Variants in BRWD1 observed in about 807,000 individuals in gnomAD.
BRWD1 encodes bromodomain and WD repeat domain containing 1, also known as bromodomain and WD repeat-containing protein 1.
Under a neutral mutation model 251.2 loss-of-function variants are expected in BRWD1, and 82 were observed. The observed-to-expected ratio is 0.33, with a 90% CI of 0.27 to 0.39. The LOEUF (loss-of-function observed/expected upper bound fraction) is 0.39, where lower values mean the gene tolerates loss of function less well. Ranked by LOEUF, BRWD1 falls within the 10% of genes least tolerant of loss-of-function variation. The pLI is 1.00. For missense variants in BRWD1, 2,233 were observed against 2,711.6 expected, an observed-to-expected ratio of 0.82 and a Z score of 3.92; for synonymous variants, 918 against 902.8, an observed-to-expected ratio of 1.02 and a Z score of -0.30.
At chr21:39,313,154 G>A (rs2036570084) in intron 2 of BRWD1, 53 bp from the exon 3 acceptor site, 6 of 1,494,554 alleles carry the variant, frequency 4.0e-6, no homozygotes, top group Non-Finnish European at 3.6e-6. Flanking sequence ...GGGCGCTCCC[G>A]TTTCACCCCC....
chr21:39,294,922 C>T (rs1047128237), intron 7 of BRWD1, among the ~76,000 whole-genome samples: 10 of 152,090 alleles, frequency 6.6e-5, no homozygotes, highest in African/African-American at 1.4e-4. Context: ...TCCTAACTTA[C>T]GCTTAAAACA....
At chr21:39,224,636 G>A (rs1444557682) in intron 28 of BRWD1, among the ~76,000 whole-genome samples, 167 bp from the exon 29 acceptor site, 1 of 152,044 alleles carries the variant, frequency 6.6e-6, no homozygotes, top group African/African-American at 2.4e-5. Context: ...TAAAATAACA[G>A]GTTTAAGAAC....
Position 39,234,710 on chromosome 21 carries a change from T to A in BRWD1, c.2766+1885A>T, listed in dbSNP as rs550940504. On this transcript the variant is annotated intron_variant, in intron 23 of 40. Transcript: ENST00000342449. ...AACATGTTAAACCTCTTGTCTTATA[T>A]CCAGAAAATCAGAAAACTGGGCTAA... 7.9e-5 allele frequency among the ~76,000 whole-genome samples: 12 copies of A among 152,278 alleles called. 1 individual carries two copies. The South Asian group carries it at 1.7e-3, about 21-fold the overall frequency.
intron 25 of BRWD1, among the ~76,000 whole-genome samples, chr21:39,230,147 AC>A (rs1174139861): frequency 6.6e-6 from 1 of 152,242 alleles, no homozygotes; most frequent in Non-Finnish European, 1.5e-5. Flanking sequence ...TCTGCCTAAT[AC>A]ATTCAGTAAG....
chr21:39,191,313 G>A lies in BRWD1; in HGVS notation c.*4946C>T, dbSNP rs1182817265. The A allele has an allele frequency of 1.0e-6, 1 of 985,160 alleles. No individual in the cohort carries two copies. The highest frequency in any genetic ancestry group is 1.2e-6 in the Non-Finnish European group (1 of 829,898). The allele number at this position is 985,160 out of a possible 1,614,324, so 61.0% of individuals were successfully genotyped here. The stretch of plus-strand genomic sequence containing the variant: ...CCCCTATATTCTGCCTGCATGAAAA[G>A]AAATTACCAGTGGAAAAGAGGTTGG... On this transcript the variant is annotated 3_prime_UTR_variant, in exon 41 of 41. Transcript: ENST00000342449.
Position 39,186,292 on chromosome 21 carries a change from T to G in BRWD1, c.*9967A>C, listed in dbSNP as rs2031229512. On this transcript the variant is annotated 3_prime_UTR_variant, in exon 41 of 41. Transcript: ENST00000342449. Reference sequence around the variant, plus strand: ...AGCCGTGATAGTAACATTCATAGCTTTCATAGAAAAATATATATTCCCTGA... The same window carrying G: ...AGCCGTGATAGTAACATTCATAGCTGTCATAGAAAAATATATATTCCCTGA... 6.6e-6 allele frequency: 1 copy of G among 152,184 alleles called. No individual in the cohort carries two copies. Among genetic ancestry groups the G allele is most frequent in the African/African-American group, 2.4e-5 (1 of 41,448 alleles). 9.4% of individuals were successfully genotyped at this position (152,184 alleles called of 1,614,324 possible).
At chr21:39,306,749 G>A (rs894510204) in intron 4 of BRWD1, among the ~76,000 whole-genome samples, 3 of 152,190 alleles carry the variant, frequency 2.0e-5, no homozygotes, top group African/African-American at 4.8e-5. Flanking sequence ...TATTAGAATT[G>A]CAAGTAGTCA....
Position 39,193,288 on chromosome 21 carries a change from G to A in BRWD1, c.*2971C>T, listed in dbSNP as rs904927566. The A allele has an allele frequency of 4.1e-6, 4 of 984,994 alleles. No homozygotes were observed. The highest frequency in any genetic ancestry group is 3.6e-6 in the Non-Finnish European group (3 of 829,730). The allele number at this position is 984,994 out of a possible 1,614,324, so 61.0% of individuals were successfully genotyped here. ...TTGTTTCCAAGGATTAATAAACTGA[G>A]AAATGATTTAATCAGATATTTGCCA... On this transcript the variant is annotated 3_prime_UTR_variant, in exon 41 of 41. Transcript: ENST00000342449.
intron 7 of BRWD1, 54 bp from the exon 8 acceptor site, chr21:39,294,086 T>C: frequency 4.9e-6 from 7 of 1,433,750 alleles, no homozygotes; most frequent in Non-Finnish European, 6.8e-6. Flanking sequence ...CTTTTAAATA[T>C]TAAAAGAATA....
At chr21:39,226,535 A>G in intron 27 of BRWD1, among the ~76,000 whole-genome samples, 1 of 152,336 alleles carries the variant, frequency 6.6e-6, no homozygotes, top group East Asian at 1.9e-4. Context: ...CAAAAATGAG[A>G]GCCTCTTACA....
chr21:39,311,959 CTT>C (rs2036498868), intron 4 of BRWD1, among the ~76,000 whole-genome samples: 1 of 152,182 alleles, frequency 6.6e-6, no homozygotes, highest in African/African-American at 2.4e-5. Flanking sequence ...CTCAGAAGCT[CTT>C]TTCTTTCTCA....
intron 5 of BRWD1, 72 bp from the exon 6 acceptor site, chr21:39,296,435 C>T (rs2035964216): frequency 2.1e-5 from 30 of 1,433,776 alleles, no homozygotes; most frequent in African/African-American, 4.3e-5. Context: ...AGAATACTTA[C>T]GTATATTGTA....
chr21:39,308,684 G>C (rs971765052), intron 4 of BRWD1, among the ~76,000 whole-genome samples: 2 of 151,858 alleles, frequency 1.3e-5, no homozygotes, highest in African/African-American at 4.8e-5. Flanking sequence ...GCATACTCTG[G>C]GCAACCAGAT....
At chr21:39,314,297 C>T (rs1458157355), upstream of BRWD1, 3 of 455,888 alleles carry the variant, frequency 6.6e-6, no homozygotes, top group Non-Finnish European at 1.3e-5. Context: ...CCAGCCACAT[C>T]CCCCACAAGC....
chr21:39,231,379 T>C (rs183592209), intron 25 of BRWD1, among the ~76,000 whole-genome samples: 111 of 152,242 alleles, frequency 7.3e-4, no homozygotes, highest in Admixed American at 1.0e-3. Context: ...TCAACAAATA[T>C]TTTTCAACCT....
chr21:39,235,388 G>A (rs1236952618), intron 23 of BRWD1: 1 of 152,914 alleles, frequency 6.5e-6, no homozygotes, highest in East Asian at 1.9e-4. Context: ...CCAACTGTAG[G>A]TCCTTGCTGT....
intron 5 of BRWD1, chr21:39,298,219 T>G: frequency 1.7e-6 from 2 of 1,206,036 alleles, no homozygotes; most frequent in Non-Finnish European, 2.1e-6. Context: ...GCTTAACATC[T>G]ATATCTTTAT....
At chr21:39,292,118 G>A (rs1220078824) in intron 8 of BRWD1, among the ~76,000 whole-genome samples, 1 of 45,048 alleles carries the variant, frequency 2.2e-5, no homozygotes, top group African/African-American at 7.3e-5. Context: ...TTTTTTGTGG[G>A]GGGTGGGTGG....
upstream of BRWD1, chr21:39,314,060 G>T (rs1426008802): frequency 4.4e-6 from 2 of 455,854 alleles, no homozygotes; most frequent in Non-Finnish European, 4.4e-6. Flanking sequence ...AAGGTCGCCC[G>T]CTCCGGGTCG....
Sources: gnomAD v4.1 joint callset for allele counts (sites outside exome capture counted in the v4.1 genomes callset) on GRCh38, gnomAD v4.1.1 for gene constraint, MANE v1.5 for transcripts, NCBI Gene and HGNC (gene_info 2026-07-23, HGNC 2026-07-21) for gene names.